KNOP1: variants seen among roughly 807,000 people sequenced by gnomAD.
KNOP1 encodes the protein lysine rich nucleolar protein 1.
In KNOP1, 20 loss-of-function variants were observed where a neutral mutation model predicts 30.6. The ratio of observed to expected loss-of-function variants is 0.65; its 90% CI spans 0.46 to 0.95. KNOP1 has a LOEUF of 0.95. Ranked by LOEUF, KNOP1 falls within the 40% of genes least tolerant of loss-of-function variation. The probability of loss-of-function intolerance (pLI) is 0.00; values close to 1 mark genes in which losing one functional copy is unlikely to be tolerated. For synonymous variants in KNOP1, 204 were observed against 210.0 expected (o/e 0.97, Z 0.25); for missense variants, 540 against 562.0 (o/e 0.96, Z 0.40).
At position 19,714,218 on chromosome 16, in the gene KNOP1, T is replaced by G; in HGVS notation, c.818A>C (p.Lys273Thr). 6.2e-7 allele frequency: 1 copy of G among 1,614,144 alleles called. No individual in the cohort carries two copies. Among genetic ancestry groups the G allele is most frequent in the Non-Finnish European group, 8.5e-7 (1 of 1,180,010 alleles). ...GATGACTGGCTGCTCTACCTTCTTT[T>G]TGGACTTCATCTTTTTCTTTGCGGA... ...KASAKKKMKS[K>T]KKVEQPVIEE... Residue 273 changes from lysine (K) to threonine (T), a missense_variant, in exon 2 of 5, where the codon AAA becomes ACA. Physicochemically the swap from Lys to Thr is moderately conservative, Grantham distance 78 (BLOSUM62 -1). Transcript: ENST00000219837.
At chr16:19,717,636 G>A (rs1977237938) in intron 1 of KNOP1, 16 of 985,700 alleles carry the variant, frequency 1.6e-5, no homozygotes, top group Non-Finnish European at 1.8e-5. Flanking sequence ...GGAAAAGAAC[G>A]TTACAGTGCA....
In KNOP1 at chr16:19,714,945, C is replaced by T. The variant is rs1976941402; in HGVS notation, c.91G>A (p.Val31Ile). The change falls in exon 2 of 5, where the codon GTT (valine) becomes ATT (isoleucine). Residue 31 changes from valine (V) to isoleucine (I), a missense_variant. Val to Ile is a conservative substitution (Grantham distance 29, BLOSUM62 3). Transcript: ENST00000219837. ...GCAAAGTAATCATCATTGTTTAAAACTGAGTATCGAGTCTCTGGTTCTTTG... is the reference window on the plus strand; with the variant it reads ...GCAAAGTAATCATCATTGTTTAAAATTGAGTATCGAGTCTCTGGTTCTTTG... ...VVKEPETRYS[V>I]LNNDDYFADV... is the part of the protein sequence containing the mutation. 3 of 1,612,654 alleles carry T rather than the reference C, an allele frequency of 1.9e-6. No homozygotes were observed.
At position 19,708,719 on chromosome 16, in the gene KNOP1, C is replaced by A. The variant is rs1044150496; in HGVS notation, c.1066-1498G>T. Among the ~76,000 whole-genome samples the A allele has an allele frequency of 2.0e-5, 3 of 152,310 alleles. No individual in the cohort carries two copies. The East Asian group carries it at 5.8e-4, about 29-fold the overall frequency. On this transcript the variant is annotated intron_variant, in intron 4 of 4. Transcript: ENST00000219837. ...AAATAAGAACCAGTTGTCACTACAG[C>A]TGCCCTGAGTGAACCGGTGACACAT...
At position 19,705,307 on chromosome 16, in the gene KNOP1, A is replaced by G. The variant is rs1976312694; in HGVS notation, c.*1603T>C. The G allele has an allele frequency of 2.2e-6, 1 of 455,068 alleles. No individual in the cohort carries two copies. The highest frequency in any genetic ancestry group is 4.4e-6 in the Non-Finnish European group (1 of 226,226). The allele number at this position is 455,068 out of a possible 1,614,324, so 28.2% of individuals were successfully genotyped here. On this transcript the variant is annotated 3_prime_UTR_variant, in exon 5 of 5. Coordinates refer to ENST00000219837, the MANE Select transcript of KNOP1 (RefSeq NM_001012991.3). ...CTGGGCTGGGATGTCTGTAGGAGGC[A>G]TGTTCAGGCCAAACGATCGTGAAAA...
At position 19,714,246 on chromosome 16, in the gene KNOP1, C is replaced by A. The variant is rs761337465; in HGVS notation, c.790G>T (p.Ala264Ser). 6.2e-7 allele frequency: 1 copy of A among 1,614,072 alleles called. No homozygotes were observed. Among genetic ancestry groups the A allele is most frequent in the Non-Finnish European group, 8.5e-7 (1 of 1,180,018 alleles). The change falls in exon 2 of 5, where the codon GCC becomes TCC. Residue 264 changes from alanine (A) to serine (S), a missense_variant. By Grantham distance (99) the Ala-to-Ser change is moderately conservative. Transcript: ENST00000219837. The stretch of plus-strand genomic sequence containing the variant: ...GACTTCATCTTTTTCTTTGCGGAGG[C>A]CTTAGGGTCATCACTTATGGGGATG... ...EYIPISDDPK[A>S]SAKKKMKSKK... is the part of the protein sequence containing the mutation.
intron 1 of KNOP1, chr16:19,717,942 A>C: frequency 8.3e-7 from 1 of 1,210,426 alleles, no homozygotes; most frequent in Non-Finnish European, 1.0e-6. Context: ...GCATCAACAG[A>C]CTGGGAGGGA....
chr16:19,711,865 G>A (rs898024809), intron 2 of KNOP1: 14 of 188,970 alleles, frequency 7.4e-5, no homozygotes, highest in African/African-American at 2.8e-4. Context: ...TCTCCCACCC[G>A]CCTTGGCCCT....
intron 4 of KNOP1, among the ~76,000 whole-genome samples, chr16:19,708,135 G>A (rs1015627061): frequency 6.6e-6 from 1 of 151,458 alleles, no homozygotes. Context: ...GGGTGGGAGA[G>A]GGCGAGTGGG....
chr16:19,710,939 C>T (rs540689316), intron 3 of KNOP1, among the ~76,000 whole-genome samples: 9 of 150,756 alleles, frequency 6.0e-5, no homozygotes, highest in Non-Finnish European at 1.0e-4. Flanking sequence ...AAAAAAATCC[C>T]CAAGGCCAGA....
chr16:19,708,963 G>T (rs140410020), intron 4 of KNOP1, among the ~76,000 whole-genome samples: 3 of 152,214 alleles, frequency 2.0e-5, no homozygotes, highest in Non-Finnish European at 4.4e-5. Flanking sequence ...CAGCCCCTGT[G>T]CCCCAGGATC....
rs1214011269 is a variant in KNOP1 at position 19,703,622 on chromosome 16, G to GCAAT, written c.*3284_*3287dup. On this transcript the variant is annotated 3_prime_UTR_variant, in exon 5 of 5. Transcript: ENST00000219837. Reference sequence around the variant, plus strand: ...GTCACCCAGGCTGGAACACAGTGGTGCAATCATGGCTCACTGCAGCCGTGA... The same window carrying GCAAT: ...GTCACCCAGGCTGGAACACAGTGGTGCAATCAATCATGGCTCACTGCAGCCGTGA... The GCAAT allele has an allele frequency of 6.6e-6, 1 of 151,424 alleles. No homozygotes were observed. Among genetic ancestry groups the GCAAT allele is most frequent in the Non-Finnish European group, 1.5e-5 (1 of 67,948 alleles). 9.4% of individuals were successfully genotyped at this position (151,424 alleles called of 1,614,324 possible).
intron 4 of KNOP1, 126 bp downstream of exon 4, chr16:19,710,383 G>A (rs1034079974): frequency 2.2e-6 from 2 of 914,372 alleles, no homozygotes; most frequent in African/African-American, 1.6e-5. Flanking sequence ...CCTGCTGCAG[G>A]CTAGGGCTGC....
At position 19,703,203 on chromosome 16, in the gene KNOP1, G is replaced by T. The variant is rs1042838568; in HGVS notation, c.*3707C>A. The T allele has an allele frequency of 6.6e-6, 1 of 152,178 alleles. No homozygotes were observed. The highest frequency in any genetic ancestry group is 1.5e-5 in the Non-Finnish European group (1 of 68,070). 9.4% of individuals were successfully genotyped at this position (152,178 alleles called of 1,614,324 possible). ...GCATCAGCAGGGCTACGCTCCTTCTGGGAGGCTCTAGGGGAGAATCTACTT... is the reference window on the plus strand; with the variant it reads ...GCATCAGCAGGGCTACGCTCCTTCTTGGAGGCTCTAGGGGAGAATCTACTT... On this transcript the variant is annotated 3_prime_UTR_variant, in exon 5 of 5. Coordinates refer to ENST00000219837, the MANE Select transcript of KNOP1 (RefSeq NM_001012991.3).
At chr16:19,711,809 CA>C (rs1237829110) in intron 2 of KNOP1, 1 of 301,986 alleles carries the variant, frequency 3.3e-6, no homozygotes, top group African/African-American at 2.1e-5. Context: ...ACGGTGACAC[CA>C]AACTACAGGA....
rs989181420 is a variant in KNOP1 at position 19,706,844 on chromosome 16, A to T, written c.*66T>A. ...TGATTTTTTCACAAAAAAAATTTGT[A>T]ATCTCCAGCATAAATGGAATAATCA... On this transcript the variant is annotated 3_prime_UTR_variant, in exon 5 of 5. Coordinates refer to ENST00000219837, the MANE Select transcript of KNOP1 (RefSeq NM_001012991.3). 6.5e-7 allele frequency: 1 copy of T among 1,539,746 alleles called. No individual in the cohort carries two copies. Among genetic ancestry groups the T allele is most frequent in the East Asian group, 2.3e-5 (1 of 44,284 alleles).
intron 2 of KNOP1, 67 bp from the exon 3 acceptor site, chr16:19,711,507 G>T: frequency 6.8e-7 from 1 of 1,479,806 alleles, no homozygotes; most frequent in Non-Finnish European, 9.5e-7. Context: ...TCTGCACCCA[G>T]CCAGGGTGAG....
At chr16:19,718,122 C>T (rs1288492707) in intron 1 of KNOP1, 36 bp downstream of exon 1, 3 of 1,446,016 alleles carry the variant, frequency 2.1e-6, no homozygotes, top group East Asian at 2.5e-5. Flanking sequence ...CTCCACACCC[C>T]GCGCCGGCCC....
In KNOP1 at chr16:19,714,234, TCTTTGCGGAGGC is replaced by T. The variant is rs1183077079; in HGVS notation, c.790_801del (p.Ala264_Lys267del). 3.7e-6 allele frequency: 6 copies of T among 1,614,138 alleles called. No individual in the cohort carries two copies. The South Asian group carries it at 5.5e-5, about 15-fold the overall frequency. On this transcript the variant is annotated inframe_deletion, in exon 2 of 5. Transcript: ENST00000219837. ...ACCTTCTTTTTGGACTTCATCTTTT[TCTTTGCGGAGGC>T]CTTAGGGTCATCACTTATGGGGATG...
intron 4 of KNOP1, 68 bp downstream of exon 4, chr16:19,710,441 G>T: frequency 6.7e-7 from 1 of 1,495,780 alleles, no homozygotes; most frequent in Non-Finnish European, 9.3e-7. Context: ...TCCTCATGCT[G>T]GAGGCGAGGG....
Sources: gnomAD v4.1 joint callset for allele counts (sites outside exome capture counted in the v4.1 genomes callset) on GRCh38, gnomAD v4.1.1 for gene constraint, MANE v1.5 for transcripts, NCBI Gene and HGNC (gene_info 2026-07-23, HGNC 2026-07-21) for gene names.